Variants in PXDNL observed in about 807,000 individuals in gnomAD.
PXDNL encodes probable oxidoreductase PXDNL.
A neutral mutation model predicts 150.8 loss-of-function variants in PXDNL; 145 were observed. That is an observed-to-expected ratio of 0.96 (90% confidence interval 0.84 to 1.10). The LOEUF is 1.10. Ranked by LOEUF, PXDNL falls within the 50% of genes least tolerant of loss-of-function variation. The pLI is 0.00. For synonymous variants in PXDNL, 757 were observed against 725.7 expected, an observed-to-expected ratio of 1.04 and a Z score of -0.69; for missense variants, 2,087 against 1,873.9, an observed-to-expected ratio of 1.11 and a Z score of -2.10.
intron 19 of PXDNL, among the ~76,000 whole-genome samples, chr8:51,360,127 C>T (rs1806672802): frequency 7.3e-6 from 1 of 136,690 alleles, no homozygotes; most frequent in African/African-American, 3.6e-5. Flanking sequence ...TGTACACTTA[C>T]TCATGTGTAT....
intron 1 of PXDNL, among the ~76,000 whole-genome samples, chr8:51,690,619 G>A (rs1030113641): frequency 1.4e-4 from 21 of 152,278 alleles, no homozygotes; most frequent in African/African-American, 4.6e-4. Context: ...GAATACTGCC[G>A]CAATAAACAT....
Position 51,599,754 on chromosome 8 carries a change from G to A in PXDNL, c.237-7056C>T, listed in dbSNP as rs866289751. On this transcript the variant is annotated intron_variant, in intron 2 of 22. Transcript: ENST00000356297. ...AATTATATCTTATATAAATGATATC[G>A]TTTATATAATAAATTATATCTTATA... is the stretch of plus-strand genomic sequence containing the variant. Among the ~76,000 whole-genome samples the A allele has an allele frequency of 2.6e-3, 352 of 133,320 alleles. 3 individuals are homozygous for A. The highest frequency in any genetic ancestry group is 3.8e-3 in the African/African-American group (121 of 32,216). The allele number at this position is 133,320 out of a possible 152,430, so 87.5% of individuals were successfully genotyped here.
chr8:51,718,985 G>T (rs1816671049), intron 1 of PXDNL, among the ~76,000 whole-genome samples: 1 of 151,836 alleles, frequency 6.6e-6, no homozygotes, highest in Admixed American at 6.6e-5. Flanking sequence ...CATCTGGGAG[G>T]GAGGCGGGGG....
At chr8:51,684,936 G>A (rs1815840280) in intron 1 of PXDNL, among the ~76,000 whole-genome samples, 3 of 152,152 alleles carry the variant, frequency 2.0e-5, no homozygotes, top group African/African-American at 7.2e-5. Flanking sequence ...AGCAGTCCAA[G>A]CTGACACAAT....
intron 8 of PXDNL, among the ~76,000 whole-genome samples, chr8:51,468,402 T>C (rs555558982): frequency 1.2e-4 from 19 of 152,116 alleles, no homozygotes; most frequent in African/African-American, 4.3e-4. Flanking sequence ...GATTACACTA[T>C]AATAGTCTTA....
At chr8:51,498,556 C>T (rs1811109779) in intron 5 of PXDNL, among the ~76,000 whole-genome samples, 1 of 152,078 alleles carries the variant, frequency 6.6e-6, no homozygotes, top group Admixed American at 6.5e-5. Flanking sequence ...TGTTGTTTGT[C>T]ATTGTTTATT....
intron 1 of PXDNL, among the ~76,000 whole-genome samples, chr8:51,669,514 A>C (rs1159566024): frequency 6.6e-6 from 1 of 152,208 alleles, no homozygotes; most frequent in Non-Finnish European, 1.5e-5. Context: ...AATTTAAAGC[A>C]TCCTTTAGTC....
intron 5 of PXDNL, among the ~76,000 whole-genome samples, chr8:51,495,670 G>A (rs575376401): frequency 6.6e-6 from 1 of 152,278 alleles, no homozygotes; most frequent in Non-Finnish European, 1.5e-5. Flanking sequence ...AAATAAACTA[G>A]AAAATCTAGA....
intron 1 of PXDNL, among the ~76,000 whole-genome samples, chr8:51,757,079 T>A (rs1411030215): frequency 6.6e-6 from 1 of 152,250 alleles, no homozygotes; most frequent in Non-Finnish European, 1.5e-5. Context: ...TTTTCTCTGA[T>A]AGTGATTTTT....
chr8:51,580,002 T>C (rs907585726), intron 3 of PXDNL, among the ~76,000 whole-genome samples: 16 of 149,626 alleles, frequency 1.1e-4, no homozygotes, highest in African/African-American at 4.0e-4. Flanking sequence ...ACTTAAAGTA[T>C]AATAATAATA....
intron 4 of PXDNL, among the ~76,000 whole-genome samples, chr8:51,545,477 TAA>T (rs34405190): frequency 1.3e-5 from 2 of 151,962 alleles, no homozygotes; most frequent in Non-Finnish European, 2.9e-5. Flanking sequence ...GTACTGCTCT[TAA>T]AAAAAATATC....
At chr8:51,570,334 C>T (rs1812907935) in intron 3 of PXDNL, among the ~76,000 whole-genome samples, 2 of 151,836 alleles carry the variant, frequency 1.3e-5, no homozygotes, top group African/African-American at 4.8e-5. Context: ...ATGAACTAGG[C>T]TCTTGGCGAA....
chr8:51,430,934 T>C (rs1809232578), intron 12 of PXDNL, among the ~76,000 whole-genome samples: 1 of 152,140 alleles, frequency 6.6e-6, no homozygotes, highest in African/African-American at 2.4e-5. Context: ...ATTTCAAGCA[T>C]TTACTTCTCT....
At chr8:51,543,789 A>T (rs989937219) in intron 4 of PXDNL, among the ~76,000 whole-genome samples, 1 of 152,118 alleles carries the variant, frequency 6.6e-6, no homozygotes, top group Admixed American at 6.6e-5. Context: ...TTCAAGGGTC[A>T]TATGAGGAAC....
At chr8:51,573,783 C>T (rs1427513369) in intron 3 of PXDNL, among the ~76,000 whole-genome samples, 2 of 151,900 alleles carry the variant, frequency 1.3e-5, no homozygotes, top group African/African-American at 2.4e-5. Context: ...AAGTCTTTAC[C>T]CCCAGTACCT....
intron 3 of PXDNL, among the ~76,000 whole-genome samples, chr8:51,561,548 C>T (rs553846029): frequency 6.6e-6 from 1 of 151,446 alleles, no homozygotes; most frequent in East Asian, 1.9e-4. Flanking sequence ...TTTAAAAAAA[C>T]GAAGGAAATT....
At chr8:51,380,859 A>G (rs1807509668) in intron 17 of PXDNL, among the ~76,000 whole-genome samples, 1 of 152,146 alleles carries the variant, frequency 6.6e-6, no homozygotes, top group African/African-American at 2.4e-5. Flanking sequence ...TGCATTTTAC[A>G]TGGAATGTTT....
intron 17 of PXDNL, among the ~76,000 whole-genome samples, chr8:51,376,066 C>T (rs1807298324): frequency 6.6e-6 from 1 of 152,114 alleles, no homozygotes. Context: ...ATAGTTAATG[C>T]CAAACTGCTA....
At chr8:51,748,073 C>G (rs934863808) in intron 1 of PXDNL, among the ~76,000 whole-genome samples, 3 of 152,160 alleles carry the variant, frequency 2.0e-5, no homozygotes, top group African/African-American at 7.2e-5. Context: ...AGGTGATTTA[C>G]TCAAGCTCAT....
Sources: gnomAD v4.1 joint callset for allele counts (sites outside exome capture counted in the v4.1 genomes callset) on GRCh38, gnomAD v4.1.1 for gene constraint, MANE v1.5 for transcripts, NCBI Gene and HGNC (gene_info 2026-07-23, HGNC 2026-07-21) for gene names.